Variants in CNTN5 observed in about 807,000 individuals in gnomAD.
CNTN5 encodes the protein contactin 5, also known as contactin-5.
In CNTN5, 77 loss-of-function variants were observed where a neutral mutation model predicts 129.1. The observed-to-expected ratio is 0.60, with a 90% CI of 0.50 to 0.72. The LOEUF (loss-of-function observed/expected upper bound fraction) is 0.72, where lower values mean the gene tolerates loss of function less well. Ranked by LOEUF, CNTN5 falls within the 30% of genes least tolerant of loss-of-function variation. The pLI, the probability that CNTN5 is intolerant of heterozygous loss-of-function variation, is 0.00. For missense variants in CNTN5, 1,478 were observed against 1,328.8 expected (o/e 1.11, Z -1.75); for synonymous variants, 509 against 465.6 (o/e 1.09, Z -1.20).
chr11:100,103,825 G>C (rs2138074234), intron 13 of CNTN5, among the ~76,000 whole-genome samples: 2 of 152,222 alleles, frequency 1.3e-5, no homozygotes, highest in Middle Eastern at 6.8e-3. Flanking sequence ...AACATGAGCA[G>C]CTCTTGACTT....
At chr11:100,123,316 T>C (rs76738800) in intron 13 of CNTN5, among the ~76,000 whole-genome samples, 1 of 152,044 alleles carries the variant, frequency 6.6e-6, no homozygotes, top group East Asian at 1.9e-4. Flanking sequence ...CAGCACTTTC[T>C]TTTATATCTC....
rs531773406 is a variant in CNTN5 at position 99,764,040 on chromosome 11, G to A, written c.56-55504G>A. On this transcript the variant is annotated intron_variant, in intron 3 of 24. Transcript: ENST00000524871. ...CAAAAGAATGATACAGTAGTATACT[G>A]GAAATGATATCATTAGCAATTATTT... Among the ~76,000 whole-genome samples the A allele has an allele frequency of 7.9e-5, 12 of 151,980 alleles. No homozygotes were observed. In the South Asian group the frequency reaches 2.5e-3, roughly 32 times the overall value.
chr11:99,080,417 C>T (rs1298867104), intron 1 of CNTN5, among the ~76,000 whole-genome samples: 3 of 152,148 alleles, frequency 2.0e-5, no homozygotes, highest in South Asian at 2.1e-4. Flanking sequence ...CAAGTTCCCA[C>T]GTTCGTTCCA....
chr11:100,285,896 C>T (rs969306049), intron 18 of CNTN5, among the ~76,000 whole-genome samples: 36 of 152,278 alleles, frequency 2.4e-4, no homozygotes, highest in East Asian at 3.9e-4. Context: ...TCAGTGGGTG[C>T]GCGCACCGTG....
At chr11:99,827,993 G>T (rs1430772747) in intron 4 of CNTN5, among the ~76,000 whole-genome samples, 1 of 149,314 alleles carries the variant, frequency 6.7e-6, no homozygotes, top group Non-Finnish European at 1.5e-5. Flanking sequence ...CTGTGTGCAA[G>T]CTGTACATTA....
At chr11:100,008,089 C>T (rs1940304713) in intron 9 of CNTN5, among the ~76,000 whole-genome samples, 5 of 151,986 alleles carry the variant, frequency 3.3e-5, no homozygotes. Context: ...TTGCTGTCTT[C>T]TATGGGCATA....
intron 16 of CNTN5, among the ~76,000 whole-genome samples, chr11:100,239,268 A>G (rs867127957): frequency 1.3e-4 from 20 of 152,208 alleles, no homozygotes; most frequent in African/African-American, 4.6e-4. Context: ...CAAAATCACC[A>G]AGAAGATATA....
chr11:100,301,766 C>A (rs1951225606), intron 20 of CNTN5, among the ~76,000 whole-genome samples: 2 of 151,612 alleles, frequency 1.3e-5, no homozygotes, highest in African/African-American at 2.4e-5. Flanking sequence ...AGTTTATTCA[C>A]CTCTCTGAGG....
At chr11:100,067,845 AAAG>A (rs1198085653) in intron 10 of CNTN5, among the ~76,000 whole-genome samples, 2 of 152,046 alleles carry the variant, frequency 1.3e-5, no homozygotes, top group Non-Finnish European at 1.5e-5. Flanking sequence ...AAAAAAATCT[AAAG>A]AAAGGAAGGA....
At chr11:99,167,184 C>A (rs1022194473) in intron 1 of CNTN5, among the ~76,000 whole-genome samples, 1 of 151,780 alleles carries the variant, frequency 6.6e-6, no homozygotes, top group Non-Finnish European at 1.5e-5. Context: ...TTATCTCAAT[C>A]TTAACATTCG....
At chr11:100,164,819 T>C (rs1947573168) in intron 13 of CNTN5, among the ~76,000 whole-genome samples, 1 of 151,852 alleles carries the variant, frequency 6.6e-6, no homozygotes, top group African/African-American at 2.4e-5. Context: ...TTTTGAATAT[T>C]TTAGTTACTT....
intron 8 of CNTN5, among the ~76,000 whole-genome samples, chr11:99,983,103 G>A (rs1938454019): frequency 6.7e-6 from 1 of 148,730 alleles, no homozygotes; most frequent in Admixed American, 6.8e-5. Flanking sequence ...GAAAGAGATA[G>A]ACAAGTAAAC....
chr11:100,254,431 CT>C (rs1313418195), intron 16 of CNTN5, among the ~76,000 whole-genome samples: 4 of 152,106 alleles, frequency 2.6e-5, no homozygotes, highest in African/African-American at 9.7e-5. Flanking sequence ...CTTCATTTAT[CT>C]TAGAGGAAAA....
intron 1 of CNTN5, among the ~76,000 whole-genome samples, chr11:99,178,313 T>TA (rs1857876467): frequency 2.6e-5 from 3 of 116,790 alleles, no homozygotes; most frequent in East Asian, 2.4e-4. Flanking sequence ...AGACCTCATC[T>TA]CCACACACAC....
chr11:99,578,963 G>A (rs1272870313), intron 3 of CNTN5, among the ~76,000 whole-genome samples: 3 of 152,096 alleles, frequency 2.0e-5, no homozygotes, highest in Non-Finnish European at 4.4e-5. Context: ...ATGGTTTTAG[G>A]TCTAACCATG....
rs776618993 is a variant in CNTN5 at position 100,350,862 on chromosome 11, C to A, written c.3191C>A (p.Ser1064Ter). The A allele has an allele frequency of 1.9e-6, 3 of 1,569,038 alleles. No homozygotes were observed. Among genetic ancestry groups the A allele is most frequent in the Non-Finnish European group, 2.6e-6 (3 of 1,153,170 alleles). ...GCTAGTTCTCAAATTAGGGTACCAT[C>A]ATATTCAGGTAAGTTTTGACACAGT... ...GTASSQIRVP[S>*]YSGGKITSAQ... The change falls in exon 24 of 25, where the codon TCA becomes TAA. Residue 1064 changes from serine to a stop codon, truncating the protein, a stop_gained. Transcript: ENST00000524871. LOFTEE classifies it high-confidence loss of function.
chr11:100,110,676 A>C (rs1238657436), intron 13 of CNTN5, among the ~76,000 whole-genome samples: 1 of 152,210 alleles, frequency 6.6e-6, no homozygotes, highest in Admixed American at 6.5e-5. Context: ...ATATTTGCTT[A>C]TCAATTGTAC....
Position 100,258,564 on chromosome 11 carries a change from A to C in CNTN5, c.2164+2646A>C, listed in dbSNP as rs567906361. 3.3e-5 allele frequency among the ~76,000 whole-genome samples: 5 copies of C among 152,352 alleles called. No homozygotes were observed. The South Asian group carries it at 1.0e-3, about 32-fold the overall frequency. ...AAATGTCAGGTTACCCACAAAGGGAAGCCCATCAGACTAACAGTGGATCTC... is the reference window on the plus strand; with the variant it reads ...AAATGTCAGGTTACCCACAAAGGGACGCCCATCAGACTAACAGTGGATCTC... On this transcript the variant is annotated intron_variant, in intron 17 of 24. Coordinates refer to ENST00000524871, the MANE Select transcript of CNTN5 (RefSeq NM_014361.4).
intron 1 of CNTN5, among the ~76,000 whole-genome samples, chr11:99,103,918 T>C (rs917478069): frequency 6.6e-6 from 1 of 152,138 alleles, no homozygotes; most frequent in African/African-American, 2.4e-5. Flanking sequence ...TCCTCTATCA[T>C]CTTCAAAACA....
Sources: allele counts gnomAD v4.1 joint callset (sites outside exome capture counted in the v4.1 genomes callset), GRCh38; gene constraint gnomAD v4.1.1; transcripts MANE v1.5; gene names NCBI Gene and HGNC (gene_info 2026-07-23, HGNC 2026-07-21).